The following TMTC1 variants were observed in gnomAD, a reference collection of about 807,000 sequenced individuals.
TMTC1 encodes protein O-mannosyl-transferase TMTC1.
In TMTC1, 73 loss-of-function variants were observed where a neutral mutation model predicts 104.8. The ratio of observed to expected loss-of-function variants is 0.70; its 90% CI spans 0.58 to 0.85. The LOEUF is 0.85. Among genes scored for constraint, TMTC1 ranks in the 40% least tolerant of loss-of-function variants. TMTC1 has a pLI of 0.00. For missense variants in TMTC1, 1,035 were observed against 1,096.1 expected (o/e 0.94, Z 0.79); for synonymous variants, 434 against 428.7 (o/e 1.01, Z -0.15).
At chr12:29,668,203 A>G (rs7964894) in intron 5 of TMTC1, among the ~76,000 whole-genome samples, 84,324 of 152,006 alleles carry the variant, frequency 0.55, 23,613 homozygotes, top group African/African-American at 0.63. Context: ...TATTTCTTCT[A>G]GTCCTGGAGG....
intron 6 of TMTC1, among the ~76,000 whole-genome samples, chr12:29,621,575 G>C (rs1471558935): frequency 6.6e-6 from 1 of 152,162 alleles, no homozygotes; most frequent in Non-Finnish European, 1.5e-5. Context: ...GCTTCTCCAA[G>C]TCCTTTTTGG....
At chr12:29,677,175 C>A (rs1477091724) in intron 5 of TMTC1, among the ~76,000 whole-genome samples, 1 of 152,150 alleles carries the variant, frequency 6.6e-6, no homozygotes, top group Non-Finnish European at 1.5e-5. Flanking sequence ...TTTATCTAGT[C>A]AATGTAATGG....
Position 29,767,857 on chromosome 12 carries a change from C to T in TMTC1, c.480+41G>A, listed in dbSNP as rs201907331. On this transcript the variant is annotated intron_variant, in intron 2 of 17. Coordinates refer to ENST00000539277, the MANE Select transcript of TMTC1 (RefSeq NM_001193451.2). The stretch of plus-strand genomic sequence containing the variant: ...ACACGTATACACGTATACATACACA[C>T]ATTCATATTCGTTATTTCACTGAGA... 5.0e-5 allele frequency: 79 copies of T among 1,579,840 alleles called. 1 individual carries two copies. The Middle Eastern group carries it at 6.7e-4, about 13-fold the overall frequency.
At chr12:29,659,807 G>A in intron 5 of TMTC1, 1 of 1,162,734 alleles carries the variant, frequency 8.6e-7, no homozygotes. Flanking sequence ...AATATGCAAA[G>A]TCAGCCTGTA....
At chr12:29,742,539 C>T (rs1480252788) in intron 5 of TMTC1, among the ~76,000 whole-genome samples, 1 of 152,030 alleles carries the variant, frequency 6.6e-6, no homozygotes, top group Non-Finnish European at 1.5e-5. Flanking sequence ...CACATCCTAC[C>T]ATATGACTAT....
chr12:29,612,559 G>A (rs879537966), intron 6 of TMTC1, among the ~76,000 whole-genome samples: 2 of 152,086 alleles, frequency 1.3e-5, no homozygotes, highest in Non-Finnish European at 2.9e-5. Context: ...TTACAGACAT[G>A]TGCCATCATG....
chr12:29,710,392 C>G (rs1941868232), intron 5 of TMTC1, among the ~76,000 whole-genome samples: 1 of 151,896 alleles, frequency 6.6e-6, no homozygotes, highest in Non-Finnish European at 1.5e-5. Context: ...TCAGGGATCT[C>G]TCAGGAAACA....
chr12:29,506,704 G>A lies in TMTC1; in HGVS notation c.*142C>T. On this transcript the variant is annotated 3_prime_UTR_variant, in exon 18 of 18. Transcript: ENST00000539277. ...GTCCTTCAGCACTGGGCTACCAGCAGATGTCCCAAAATGTGTCACCCTGAA... is the reference window on the plus strand; with the variant it reads ...GTCCTTCAGCACTGGGCTACCAGCAAATGTCCCAAAATGTGTCACCCTGAA... The A allele has an allele frequency of 9.5e-7, 1 of 1,055,918 alleles. No homozygotes were observed. Among genetic ancestry groups the A allele is most frequent in the South Asian group, 1.5e-5 (1 of 65,846 alleles). 65.4% of individuals were successfully genotyped at this position (1,055,918 alleles called of 1,614,324 possible).
chr12:29,676,165 G>A (rs1393749484), intron 5 of TMTC1, among the ~76,000 whole-genome samples: 2 of 152,196 alleles, frequency 1.3e-5, no homozygotes, highest in African/African-American at 4.8e-5. Flanking sequence ...CCTCACACTT[G>A]TAATTTTGAA....
intron 2 of TMTC1, among the ~76,000 whole-genome samples, chr12:29,766,895 G>A (rs912629438): frequency 1.1e-4 from 16 of 151,940 alleles, no homozygotes; most frequent in Admixed American, 1.0e-3. Flanking sequence ...GCTTAAAAAT[G>A]CCATCTGATT....
chr12:29,572,059 G>A (rs1315852949), intron 9 of TMTC1, 46 bp downstream of exon 9: 8 of 1,459,066 alleles, frequency 5.5e-6, no homozygotes, highest in African/African-American at 4.2e-5. Flanking sequence ...AATAAACAAC[G>A]GTCTTTAAAG....
Position 29,502,337 on chromosome 12 carries a change from AGTT to A in TMTC1, c.*4506_*4508del, listed in dbSNP as rs1943611527. ...TGAATCCACCACAAATCAAAGCAAA[AGTT>A]TTTTTTTTTTTCAAAAACAGATTCT... On this transcript the variant is annotated 3_prime_UTR_variant, in exon 18 of 18. Coordinates refer to ENST00000539277, the MANE Select transcript of TMTC1 (RefSeq NM_001193451.2). The A allele has an allele frequency of 9.2e-6, 1 of 108,470 alleles. No individual in the cohort carries two copies. 6.7% of individuals were successfully genotyped at this position (108,470 alleles called of 1,614,324 possible).
chr12:29,752,128 A>AACAC (rs146261837), intron 4 of TMTC1, among the ~76,000 whole-genome samples: 3,890 of 150,230 alleles, frequency 0.026, 69 homozygotes, highest in African/African-American at 0.052. Context: ...GATGGCCACC[A>AACAC]ACACACACAC....
At position 29,639,203 on chromosome 12, in the gene TMTC1, A is replaced by G. The variant is rs188980561; in HGVS notation, c.939-5867T>C. Among the ~76,000 whole-genome samples, 12 of 152,342 alleles carry G rather than the reference A, an allele frequency of 7.9e-5. No individual in the cohort carries two copies. In the East Asian group the frequency reaches 2.1e-3, roughly 27 times the overall value. ...GCTGGTGAGAACACACACACATTAC[A>G]TAGTTGAGAACAGTGTAATATTAAT... On this transcript the variant is annotated intron_variant, in intron 5 of 17. Transcript: ENST00000539277.
At chr12:29,631,696 C>G (rs1232099014) in intron 6 of TMTC1, among the ~76,000 whole-genome samples, 1 of 152,134 alleles carries the variant, frequency 6.6e-6, no homozygotes, top group Admixed American at 6.5e-5. Context: ...TGTAGGGACC[C>G]TGGATTCTAT....
intron 5 of TMTC1, among the ~76,000 whole-genome samples, chr12:29,730,125 T>C (rs1942508209): frequency 6.6e-6 from 1 of 152,160 alleles, no homozygotes; most frequent in Admixed American, 6.5e-5. Flanking sequence ...TAGATGTGGA[T>C]CCAAATCTAC....
intron 9 of TMTC1, among the ~76,000 whole-genome samples, chr12:29,560,214 C>G (rs1276016039): frequency 6.6e-6 from 1 of 152,146 alleles, no homozygotes; most frequent in Non-Finnish European, 1.5e-5. Context: ...TATTCCCTTC[C>G]CCGTCCAGAA....
chr12:29,566,331 G>A (rs967279017), intron 9 of TMTC1, among the ~76,000 whole-genome samples: 1 of 152,186 alleles, frequency 6.6e-6, no homozygotes, highest in East Asian at 1.9e-4. Context: ...AGCAGGAGGT[G>A]TGTCAGGGGG....
intron 5 of TMTC1, chr12:29,660,892 C>A: frequency 6.8e-7 from 1 of 1,478,492 alleles, no homozygotes; most frequent in Non-Finnish European, 9.0e-7. Context: ...ATACCTAAAA[C>A]GGGAAAGAAA....
Sources: gnomAD v4.1 joint callset for allele counts (sites outside exome capture counted in the v4.1 genomes callset) on GRCh38, gnomAD v4.1.1 for gene constraint, MANE v1.5 for transcripts, NCBI Gene and HGNC (gene_info 2026-07-23, HGNC 2026-07-21) for gene names.